Variants in ADAMTSL1 observed in about 807,000 individuals in gnomAD.
The protein encoded by ADAMTSL1 is ADAMTS like 1.
In ADAMTSL1, 126 loss-of-function variants were observed where a neutral mutation model predicts 201.8. The ratio of observed to expected loss-of-function variants is 0.62; its 90% CI spans 0.54 to 0.72. ADAMTSL1 has a LOEUF of 0.72. Among genes scored for constraint, ADAMTSL1 ranks in the 30% least tolerant of loss-of-function variants. The probability of loss-of-function intolerance (pLI) is 0.00; values close to 1 mark genes in which losing one functional copy is unlikely to be tolerated. For synonymous variants in ADAMTSL1, 1,121 were observed against 903.4 expected (o/e 1.24, Z -4.32); for missense variants, 2,679 against 2,277.8 (o/e 1.18, Z -3.59).
At chr9:18,519,426 C>G (rs1818552176) in intron 2 of ADAMTSL1, among the ~76,000 whole-genome samples, 1 of 152,144 alleles carries the variant, frequency 6.6e-6, no homozygotes, top group Non-Finnish European at 1.5e-5. Flanking sequence ...CTCCTATCAC[C>G]CATATAGGAC....
At chr9:17,967,409 C>A (rs1005381874) in intron 1 of ADAMTSL1, among the ~76,000 whole-genome samples, 1 of 152,052 alleles carries the variant, frequency 6.6e-6, no homozygotes, top group Non-Finnish European at 1.5e-5. Flanking sequence ...TCTAAATTGA[C>A]TTTTTGTATC....
At chr9:18,290,458 T>G (rs1159532371) in intron 2 of ADAMTSL1, among the ~76,000 whole-genome samples, 1 of 152,098 alleles carries the variant, frequency 6.6e-6, no homozygotes, top group East Asian at 1.9e-4. Flanking sequence ...TGAACCATCT[T>G]GCAAAAATTC....
chr9:18,507,888 A>G (rs1404373109), intron 2 of ADAMTSL1, among the ~76,000 whole-genome samples: 1 of 152,108 alleles, frequency 6.6e-6, no homozygotes, highest in Non-Finnish European at 1.5e-5. Flanking sequence ...CTGGTCCTCA[A>G]TCAAAATTCA....
intron 4 of ADAMTSL1, 34 bp from the exon 5 acceptor site, chr9:18,622,209 C>G (rs776500588): frequency 1.9e-6 from 3 of 1,608,700 alleles, no homozygotes; most frequent in Non-Finnish European, 2.5e-6. Context: ...TCGGTAGGTG[C>G]TTGGTTGAAT....
chr9:18,091,809 A>G (rs550813134), intron 1 of ADAMTSL1, among the ~76,000 whole-genome samples: 2 of 152,098 alleles, frequency 1.3e-5, no homozygotes, highest in Non-Finnish European at 2.9e-5. Context: ...GTAGCAAGAG[A>G]GTCCTTGCGC....
intron 21 of ADAMTSL1, chr9:18,826,048 C>T: frequency 1.7e-6 from 1 of 605,312 alleles, no homozygotes; most frequent in South Asian, 2.1e-5. Flanking sequence ...GATCTGGAGA[C>T]AACTGAGATG....
At position 18,464,356 on chromosome 9, in the gene ADAMTSL1, A is replaced by G. The variant is rs533406868; in HGVS notation, c.208-40473A>G. ...TAAATCAGAGATTTGATTAACAAAA[A>G]CCTGTACAAATGAAATTGTAGTATT... On this transcript the variant is annotated intron_variant, in intron 2 of 29. Transcript: ENST00000680146. Among the ~76,000 whole-genome samples the G allele has an allele frequency of 2.0e-5, 3 of 152,346 alleles. No individual in the cohort carries two copies. In the East Asian group the frequency reaches 5.8e-4, roughly 29 times the overall value.
At chr9:18,569,837 A>G (rs1374903243) in intron 3 of ADAMTSL1, among the ~76,000 whole-genome samples, 3 of 152,162 alleles carry the variant, frequency 2.0e-5, no homozygotes, top group African/African-American at 7.2e-5. Context: ...GCCAATTTAA[A>G]GTTTATTATT....
chr9:18,688,341 CTGTTT>C (rs1055982609), intron 13 of ADAMTSL1, among the ~76,000 whole-genome samples: 2 of 151,502 alleles, frequency 1.3e-5, no homozygotes, highest in Non-Finnish European at 2.9e-5. Context: ...GTTGGCCAGG[CTGTTT>C]TGAACTCCTG....
chr9:17,967,451 A>G (rs1243906141), intron 1 of ADAMTSL1, among the ~76,000 whole-genome samples: 2 of 152,156 alleles, frequency 1.3e-5, no homozygotes, highest in Non-Finnish European at 2.9e-5. Flanking sequence ...AACTATAGTA[A>G]TACCAGCTAA....
At chr9:18,111,009 C>G (rs1401563019) in intron 1 of ADAMTSL1, among the ~76,000 whole-genome samples, 2 of 152,138 alleles carry the variant, frequency 1.3e-5, no homozygotes, top group Non-Finnish European at 2.9e-5. Context: ...AAACAGGTAG[C>G]AGCAATTTTC....
chr9:17,991,513 C>G (rs1296843190), intron 1 of ADAMTSL1, among the ~76,000 whole-genome samples: 3 of 152,088 alleles, frequency 2.0e-5, no homozygotes, highest in Non-Finnish European at 2.9e-5. Flanking sequence ...CACCTTTGCT[C>G]AGACTCAGAA....
At chr9:17,951,197 G>A (rs949050857) in intron 1 of ADAMTSL1, among the ~76,000 whole-genome samples, 2 of 152,186 alleles carry the variant, frequency 1.3e-5, no homozygotes, top group Non-Finnish European at 2.9e-5. Flanking sequence ...GGGCATCATG[G>A]AGAGGGATGA....
chr9:18,010,635 T>G (rs998992641), intron 1 of ADAMTSL1, among the ~76,000 whole-genome samples: 4 of 151,950 alleles, frequency 2.6e-5, no homozygotes, highest in African/African-American at 9.7e-5. Context: ...GTGCTGTTCT[T>G]GTGCTTGCTC....
chr9:17,976,876 A>G (rs1309396229), intron 1 of ADAMTSL1, among the ~76,000 whole-genome samples: 1 of 152,020 alleles, frequency 6.6e-6, no homozygotes, highest in Non-Finnish European at 1.5e-5. Context: ...ACAATTTTGA[A>G]TATAAATGGC....
intron 1 of ADAMTSL1, among the ~76,000 whole-genome samples, chr9:18,068,679 G>A (rs1355452900): frequency 1.3e-5 from 2 of 152,274 alleles, no homozygotes; most frequent in East Asian, 1.9e-4. Context: ...GCTTCTGGAA[G>A]TTTTTAATGT....
chr9:18,660,442 T>C (rs1829007696), intron 8 of ADAMTSL1, among the ~76,000 whole-genome samples: 1 of 152,184 alleles, frequency 6.6e-6, no homozygotes, highest in African/African-American at 2.4e-5. Context: ...ATTTTTGCTC[T>C]AACTCTTCAT....
Position 18,440,799 on chromosome 9 carries a change from T to A in ADAMTSL1, c.208-64030T>A, listed in dbSNP as rs1315301316. 5.3e-5 allele frequency among the ~76,000 whole-genome samples: 8 copies of A among 152,054 alleles called. No individual in the cohort carries two copies. The East Asian group carries it at 1.5e-3, about 29-fold the overall frequency. On this transcript the variant is annotated intron_variant, in intron 2 of 29. Transcript: ENST00000680146. ...GAGGGGAAAATCAAGAGCTTTATTTTTACTTACCAGACTACCAGGAATTTC... is the reference window on the plus strand; with the variant it reads ...GAGGGGAAAATCAAGAGCTTTATTTATACTTACCAGACTACCAGGAATTTC...
chr9:18,093,709 T>C (rs1325092162), intron 1 of ADAMTSL1, among the ~76,000 whole-genome samples: 1 of 152,196 alleles, frequency 6.6e-6, no homozygotes, highest in African/African-American at 2.4e-5. Context: ...TAGCCATCCC[T>C]GGGTTTCAAA....
Sources: allele counts gnomAD v4.1 joint callset (sites outside exome capture counted in the v4.1 genomes callset), GRCh38; gene constraint gnomAD v4.1.1; transcripts MANE v1.5; gene names NCBI Gene and HGNC (gene_info 2026-07-23, HGNC 2026-07-21).